Variants in LMO1 observed in about 807,000 individuals in gnomAD.
LMO1 encodes rhombotin-1.
Under a neutral mutation model 18.0 loss-of-function variants are expected in LMO1, and 10 were observed. That is an observed-to-expected ratio of 0.55 (90% confidence interval 0.34 to 0.94). The LOEUF (loss-of-function observed/expected upper bound fraction) is 0.94. LMO1 is among the 40% of genes least tolerant of loss of function. The pLI, the probability that LMO1 is intolerant of heterozygous loss-of-function variation, is 0.02. For synonymous variants in LMO1, 77 were observed against 77.9 expected (o/e 0.99, Z 0.06); for missense variants, 183 against 205.7 (o/e 0.89, Z 0.68).
Position 8,230,456 on chromosome 11 carries a change from G to A in LMO1, c.74C>T (p.Ala25Val), listed in dbSNP as rs775620259. 3.9e-5 allele frequency: 63 copies of A among 1,613,706 alleles called. No individual in the cohort carries two copies. Among genetic ancestry groups the A allele is most frequent in the Admixed American group, 1.7e-4 (10 of 60,006 alleles). Residue 25 changes from alanine (A) to valine (V), a missense_variant, in exon 2 of 4, where the codon GCG becomes GTG. By Grantham distance (64) the Ala-to-Val change is moderately conservative. Coordinates refer to ENST00000335790, the MANE Select transcript of LMO1 (RefSeq NM_002315.3). ...GTCCTTGATCTTGCGGTTACAGCCC[G>A]CACAGCCCTTCTGCTTCCCTTTGGG... ...VQPKGKQKGC[A>V]GCNRKIKDRY...
In LMO1 at chr11:8,245,899, C is replaced by T. The variant is rs547246094; in HGVS notation, c.26-15395G>A. Among the ~76,000 whole-genome samples the T allele has an allele frequency of 3.3e-5, 5 of 152,282 alleles. No homozygotes were observed. The East Asian group carries it at 9.6e-4, about 29-fold the overall frequency. ...CTGCTCCTGGTGAGTCCTCAGGAAGCTTCCAATCATGACAGAAGAGGAAGG... is the reference window on the plus strand; with the variant it reads ...CTGCTCCTGGTGAGTCCTCAGGAAGTTTCCAATCATGACAGAAGAGGAAGG... On this transcript the variant is annotated intron_variant, in intron 1 of 3. Coordinates refer to ENST00000335790, the MANE Select transcript of LMO1 (RefSeq NM_002315.3).
At position 8,252,547 on chromosome 11, in the gene LMO1, G is replaced by A. The variant is rs149085897; in HGVS notation, c.25+10791C>T. Among the ~76,000 whole-genome samples, 756 of 152,382 alleles carry A rather than the reference G, an allele frequency of 5.0e-3. 5 individuals are homozygous for A. The highest frequency in any genetic ancestry group is 7.7e-3 in the Admixed American group (118 of 15,310). On this transcript the variant is annotated intron_variant, in intron 1 of 3. Coordinates refer to ENST00000335790, the MANE Select transcript of LMO1 (RefSeq NM_002315.3). ...GGAAGGAAACACAGCAAAGGTGATG[G>A]AATGTCACATCTGTGATTCATAGAC...
rs187567039 is a variant in LMO1, at chr11:8,262,979, C to G, written c.25+359G>C. Among the ~76,000 whole-genome samples the G allele has an allele frequency of 9.8e-3, 1,486 of 152,296 alleles. 24 individuals are homozygous for G. The highest frequency in any genetic ancestry group is 0.034 in the African/African-American group (1,406 of 41,576). Reference sequence around the variant, plus strand: ...CTGCGGTGAGAGCAGCAGCCTCAGACACGAAATGCTCAGAGCGAACCTCCG... The same window carrying G: ...CTGCGGTGAGAGCAGCAGCCTCAGAGACGAAATGCTCAGAGCGAACCTCCG... On this transcript the variant is annotated intron_variant, in intron 1 of 3. Transcript: ENST00000335790.
At position 8,226,971 on chromosome 11, in the gene LMO1, T is replaced by C. The variant is rs1183483924; in HGVS notation, c.365+4A>G. On this transcript the variant is annotated splice_donor_region_variant and intron_variant, in intron 3 of 3. Transcript: ENST00000335790. ...TGTGTTGGGTCGGCCAGTCCAGCACTGACCTCTGGTTGCAGAGCTGGCAGG... is the reference window on the plus strand; with the variant it reads ...TGTGTTGGGTCGGCCAGTCCAGCACCGACCTCTGGTTGCAGAGCTGGCAGG... 1 of 1,612,432 alleles carries C rather than the reference T, an allele frequency of 6.2e-7. No individual in the cohort carries two copies. Among genetic ancestry groups the C allele is most frequent in the South Asian group, 1.1e-5 (1 of 90,888 alleles).
intron 1 of LMO1, among the ~76,000 whole-genome samples, chr11:8,246,398 A>G (rs1846894734): frequency 6.6e-6 from 1 of 152,250 alleles, no homozygotes; most frequent in African/African-American, 2.4e-5. Context: ...TACATCATGA[A>G]GGAACCTTGC....
rs141965479 is a variant in LMO1, at chr11:8,232,899, G to A, written c.26-2395C>T. The stretch of plus-strand genomic sequence containing the variant: ...TGGCTCTTGGACAGGCTGGTCTTCC[G>A]AGCTCAGACCCCAGCATGTTTGTCC... On this transcript the variant is annotated intron_variant, in intron 1 of 3. Coordinates refer to ENST00000335790, the MANE Select transcript of LMO1 (RefSeq NM_002315.3). 9.7e-3 allele frequency among the ~76,000 whole-genome samples: 1,474 copies of A among 152,262 alleles called. 12 individuals carry two copies. The highest frequency in any genetic ancestry group is 0.037 in the Middle Eastern group (11 of 294).
chr11:8,265,107 G>C (rs1847247840), upstream of LMO1, among the ~76,000 whole-genome samples: 1 of 152,196 alleles, frequency 6.6e-6, no homozygotes, highest in East Asian at 1.9e-4. Context: ...AAGAGAAACG[G>C]GCTGAAGGGC....
At chr11:8,256,841 T>G (rs1257507699) in intron 1 of LMO1, among the ~76,000 whole-genome samples, 2 of 152,152 alleles carry the variant, frequency 1.3e-5, no homozygotes, top group Non-Finnish European at 2.9e-5. Flanking sequence ...CTGCATAGTT[T>G]AGTGTGATGG....
At chr11:8,227,253 G>A (rs1952564793) in intron 2 of LMO1, among the ~76,000 whole-genome samples, 153 bp from the exon 3 acceptor site, 1 of 152,272 alleles carries the variant, frequency 6.6e-6, no homozygotes, top group Non-Finnish European at 1.5e-5. Flanking sequence ...ACTGAGGGCA[G>A]CATCTAGATT....
At chr11:8,242,268 C>G (rs752291958) in intron 1 of LMO1, among the ~76,000 whole-genome samples, 3 of 152,202 alleles carry the variant, frequency 2.0e-5, no homozygotes, top group Non-Finnish European at 4.4e-5. Context: ...AACGCATCCT[C>G]CAGCCCCTGC....
At chr11:8,267,448 C>T (rs535380931), upstream of LMO1, among the ~76,000 whole-genome samples, 1 of 152,340 alleles carries the variant, frequency 6.6e-6, no homozygotes, top group East Asian at 1.9e-4. Context: ...AACCCCAAAC[C>T]TTCCAGCCTC....
upstream of LMO1, among the ~76,000 whole-genome samples, chr11:8,264,492 A>G (rs1847240273): frequency 6.6e-6 from 1 of 152,146 alleles, no homozygotes; most frequent in South Asian, 2.1e-4. Context: ...TGTAACTCAT[A>G]AGGCAGGAAA....
At chr11:8,261,745 G>T (rs1381995719) in intron 1 of LMO1, among the ~76,000 whole-genome samples, 3 of 152,038 alleles carry the variant, frequency 2.0e-5, no homozygotes, top group Non-Finnish European at 1.5e-5. Flanking sequence ...CCAAATCAAG[G>T]TCTCTTCCCT....
chr11:8,246,243 C>T (rs559805500), intron 1 of LMO1, among the ~76,000 whole-genome samples: 2 of 152,252 alleles, frequency 1.3e-5, no homozygotes, highest in South Asian at 4.1e-4. Context: ...TGTACATGAA[C>T]GTTCCTAGCA....
intron 3 of LMO1, among the ~76,000 whole-genome samples, chr11:8,226,162 G>A (rs912429361): frequency 1.3e-5 from 2 of 152,066 alleles, no homozygotes; most frequent in African/African-American, 4.8e-5. Context: ...TGGGTACGGG[G>A]GTGGGAGGAT....
At chr11:8,258,595 G>C (rs982288321) in intron 1 of LMO1, among the ~76,000 whole-genome samples, 4 of 152,176 alleles carry the variant, frequency 2.6e-5, no homozygotes, top group South Asian at 2.1e-4. Flanking sequence ...ACCTCCTCTT[G>C]GTCCTGCCCA....
chr11:8,255,415 G>A (rs935785370), intron 1 of LMO1, among the ~76,000 whole-genome samples: 2 of 152,206 alleles, frequency 1.3e-5, no homozygotes, highest in Non-Finnish European at 2.9e-5. Flanking sequence ...GAAGAGGGAG[G>A]ATCACTTGAG....
At chr11:8,236,353 G>C (rs1044044650) in intron 1 of LMO1, among the ~76,000 whole-genome samples, 3 of 151,540 alleles carry the variant, frequency 2.0e-5, no homozygotes, top group Admixed American at 6.6e-5. Context: ...ACCAAGCCAG[G>C]CTAATTTTTG....
intron 1 of LMO1, among the ~76,000 whole-genome samples, chr11:8,259,503 A>G (rs1157356250): frequency 1.3e-5 from 2 of 152,212 alleles, no homozygotes; most frequent in African/African-American, 2.4e-5. Flanking sequence ...CCCTGCTTCT[A>G]GGCACTGGGC....
Sources: gnomAD v4.1 joint callset for allele counts (sites outside exome capture counted in the v4.1 genomes callset) on GRCh38, gnomAD v4.1.1 for gene constraint, MANE v1.5 for transcripts, NCBI Gene and HGNC (gene_info 2026-07-23, HGNC 2026-07-21) for gene names.